SEPTIN7: variants seen among roughly 807,000 people sequenced by gnomAD.
The protein encoded by SEPTIN7 is septin 7, also known as septin-7.
SEPTIN7 carries 10 observed loss-of-function variants against 63.3 expected under a neutral mutation model. The observed-to-expected ratio is 0.16, with a 90% CI of 0.10 to 0.27. SEPTIN7 has a LOEUF of 0.27. SEPTIN7 is among the 10% of genes least tolerant of loss of function. The pLI is 1.00. For synonymous variants in SEPTIN7, 131 were observed against 165.3 expected, an observed-to-expected ratio of 0.79 and a Z score of 1.59; for missense variants, 310 against 521.0, an observed-to-expected ratio of 0.59 and a Z score of 3.94.
At chr7:35,801,354 G>T in intron 1 of SEPTIN7, 84 bp downstream of exon 1, 2 of 1,482,784 alleles carry the variant, frequency 1.3e-6, no homozygotes, top group African/African-American at 1.5e-5. Flanking sequence ...CCGAGCTAGG[G>T]AACGCCCTGA....
intron 1 of SEPTIN7, among the ~76,000 whole-genome samples, chr7:35,828,539 C>T (rs1319398148): frequency 6.6e-6 from 1 of 152,080 alleles, no homozygotes; most frequent in African/African-American, 2.4e-5. Context: ...CCACCAAGTC[C>T]GGCCCATTTT....
chr7:35,853,207 A>G (rs1444946554), intron 3 of SEPTIN7, among the ~76,000 whole-genome samples: 1 of 152,138 alleles, frequency 6.6e-6, no homozygotes, highest in East Asian at 1.9e-4. Context: ...CGAGGTGGGA[A>G]GATTGCTTGA....
At chr7:35,826,564 C>T (rs201281619) in intron 1 of SEPTIN7, among the ~76,000 whole-genome samples, 4 of 151,758 alleles carry the variant, frequency 2.6e-5, no homozygotes, top group East Asian at 1.9e-4. Context: ...ATTTGAGGTG[C>T]GCATTATAAT....
At chr7:35,813,006 GAT>G (rs1562736747) in intron 1 of SEPTIN7, among the ~76,000 whole-genome samples, 1 of 152,206 alleles carries the variant, frequency 6.6e-6, no homozygotes, top group Non-Finnish European at 1.5e-5. Flanking sequence ...TTTTCTGCAA[GAT>G]ATAAGTCCGG....
At chr7:35,910,309 T>G (rs1788718916), downstream of SEPTIN7, among the ~76,000 whole-genome samples, 1 of 152,240 alleles carries the variant, frequency 6.6e-6, no homozygotes, top group Non-Finnish European at 1.5e-5. Flanking sequence ...TTATAAATAG[T>G]CTTATTTGGC....
intron 2 of SEPTIN7, chr7:35,832,052 C>A (rs1178991989): frequency 6.6e-6 from 3 of 451,404 alleles, no homozygotes; most frequent in Admixed American, 4.8e-5. Flanking sequence ...AGAAGTCAGA[C>A]TTATTTACTA....
chr7:35,894,837 T>C (rs1189399406), intron 11 of SEPTIN7, among the ~76,000 whole-genome samples: 2 of 152,184 alleles, frequency 1.3e-5, no homozygotes, highest in African/African-American at 4.8e-5. Context: ...ACTCCAAATG[T>C]GGGTCATATG....
At chr7:35,836,453 A>C (rs1311971362) in intron 3 of SEPTIN7, among the ~76,000 whole-genome samples, 1 of 152,132 alleles carries the variant, frequency 6.6e-6, no homozygotes, top group Admixed American at 6.5e-5. Context: ...AACTTTGCAA[A>C]ATTTTTGTGA....
downstream of SEPTIN7, among the ~76,000 whole-genome samples, chr7:35,908,223 G>A (rs1788670415): frequency 6.6e-6 from 1 of 152,148 alleles, no homozygotes; most frequent in Non-Finnish European, 1.5e-5. Context: ...AGCAAACTTG[G>A]TTCCCATAAT....
chr7:35,877,709 A>G (rs1457251055), intron 6 of SEPTIN7, among the ~76,000 whole-genome samples: 3 of 152,244 alleles, frequency 2.0e-5, no homozygotes, highest in Non-Finnish European at 4.4e-5. Context: ...TTACTAAAGG[A>G]CATAACGAAA....
At chr7:35,862,575 C>T (rs1785567104) in intron 3 of SEPTIN7, among the ~76,000 whole-genome samples, 1 of 152,070 alleles carries the variant, frequency 6.6e-6, no homozygotes. Context: ...TGCATTTTTA[C>T]ATCTAGTAAA....
intron 3 of SEPTIN7, among the ~76,000 whole-genome samples, chr7:35,833,923 A>G (rs1783954579): frequency 6.6e-6 from 1 of 152,040 alleles, no homozygotes; most frequent in South Asian, 2.1e-4. Context: ...TGGAAGTTGT[A>G]TACATCGTCA....
chr7:35,900,381 C>CTA (rs1473556292), intron 12 of SEPTIN7: 1 of 152,210 alleles, frequency 6.6e-6, no homozygotes, highest in Non-Finnish European at 1.5e-5. Flanking sequence ...GCCCTCCTAT[C>CTA]ATAGGGCAAA....
intron 1 of SEPTIN7, among the ~76,000 whole-genome samples, chr7:35,801,826 G>A (rs1788001426): frequency 6.6e-6 from 1 of 152,146 alleles, no homozygotes; most frequent in Admixed American, 6.5e-5. Context: ...ACCAGGCTGA[G>A]GCTGTGGTGG....
chr7:35,824,848 T>G (rs1783418543), intron 1 of SEPTIN7, among the ~76,000 whole-genome samples: 1 of 152,194 alleles, frequency 6.6e-6, no homozygotes, highest in South Asian at 2.1e-4. Context: ...AAATTTTATT[T>G]CAACATGCAA....
chr7:35,830,139 C>T (rs1403919258), intron 1 of SEPTIN7, among the ~76,000 whole-genome samples: 1 of 151,310 alleles, frequency 6.6e-6, no homozygotes, highest in Non-Finnish European at 1.5e-5. Context: ...GCCGAGATCG[C>T]GCCACTGCCC....
Position 35,898,297 on chromosome 7 carries a change from A to G in SEPTIN7, c.1048A>G (p.Met350Val). ...EEERREHVAK[M>V]KKMEMEMEQV... ...AGAAAGAAGGGAGCATGTAGCTAAA[A>G]TGAAGAAGATGGAGATGGAGATGGA... The change falls in exon 12 of 14, where the codon ATG becomes GTG. Residue 350 changes from methionine (M) to valine (V), a missense_variant. This residue lies in a region of SEPTIN7 where 255 missense variants were observed against 490.5 expected (regional missense o/e 0.52). Coordinates refer to ENST00000350320, the MANE Select transcript of SEPTIN7 (RefSeq NM_001788.6). 6.4e-7 allele frequency: 1 copy of G among 1,551,700 alleles called. No homozygotes were observed. The highest frequency in any genetic ancestry group is 8.7e-7 in the Non-Finnish European group (1 of 1,146,670).
At chr7:35,802,818 G>T (rs575825501) in intron 1 of SEPTIN7, among the ~76,000 whole-genome samples, 1 of 152,172 alleles carries the variant, frequency 6.6e-6, no homozygotes, top group South Asian at 2.1e-4. Context: ...TGATGGGGGG[G>T]TGGTACGGTC....
chr7:35,899,758 C>T (rs748376134), intron 12 of SEPTIN7: 1 of 152,072 alleles, frequency 6.6e-6, no homozygotes, highest in Admixed American at 6.6e-5. Context: ...ATGGCCTGCA[C>T]CTATGGTCCC....
Sources: gnomAD v4.1 joint callset for allele counts (sites outside exome capture counted in the v4.1 genomes callset) on GRCh38, gnomAD v4.1.1 for gene constraint, gnomAD v4.1.1 regional missense constraint, MANE v1.5 for transcripts, NCBI Gene and HGNC (gene_info 2026-07-23, HGNC 2026-07-21) for gene names.